KATNAL1: variants seen among roughly 807,000 people sequenced by gnomAD.
KATNAL1 encodes katanin catalytic subunit A1 like 1.
KATNAL1 carries 32 observed loss-of-function variants against 55.2 expected under a neutral mutation model. The observed-to-expected ratio is 0.58, with a 90% confidence interval of 0.44 to 0.78. The LOEUF (loss-of-function observed/expected upper bound fraction) is 0.78, where lower values mean the gene tolerates loss of function less well. Ranked by LOEUF, KATNAL1 falls within the 30% of genes least tolerant of loss-of-function variation. KATNAL1 has a pLI of 0.00. For missense variants in KATNAL1, 466 were observed against 600.9 expected (o/e 0.78, Z 2.35); for synonymous variants, 193 against 193.6 (o/e 1.00, Z 0.02).
chr13:30,241,334 C>A (rs1377501970), intron 4 of KATNAL1, among the ~76,000 whole-genome samples: 1 of 152,150 alleles, frequency 6.6e-6, no homozygotes, highest in African/African-American at 2.4e-5. Context: ...TAAGACTAAA[C>A]TGATCCTTGC....
At chr13:30,255,253 T>C (rs1299873217) in intron 4 of KATNAL1, among the ~76,000 whole-genome samples, 194 bp downstream of exon 4, 1 of 152,202 alleles carries the variant, frequency 6.6e-6, no homozygotes, top group Non-Finnish European at 1.5e-5. Flanking sequence ...TATATAGATA[T>C]TTACTACGCC....
intron 3 of KATNAL1, among the ~76,000 whole-genome samples, chr13:30,262,396 C>CA (rs1320834387): frequency 2.6e-5 from 4 of 151,848 alleles, no homozygotes; most frequent in East Asian, 1.9e-4. Context: ...AATAGAGACA[C>CA]AAAAAACCCT....
chr13:30,210,356 T>C lies in KATNAL1; in HGVS notation c.1234A>G (p.Ile412Val). ...DIQLEDIAEKIEGYSGADITN... is the reference protein window; with the variant it reads ...DIQLEDIAEKVEGYSGADITN... ...ATGTCAGCACCAGAATAGCCCTCAATCTTCTCGGCTATATCTTCCAGTTGA... is the reference window on the plus strand; with the variant it reads ...ATGTCAGCACCAGAATAGCCCTCAACCTTCTCGGCTATATCTTCCAGTTGA... The change falls in exon 10 of 11, where the codon ATT becomes GTT. Residue 412 changes from isoleucine to valine, a missense_variant. Physicochemically the swap from Ile to Val is conservative, Grantham distance 29. Coordinates refer to ENST00000380615, the MANE Select transcript of KATNAL1 (RefSeq NM_032116.5). The C allele has an allele frequency of 6.2e-7, 1 of 1,609,352 alleles. No homozygotes were observed. Among genetic ancestry groups the C allele is most frequent in the Non-Finnish European group, 8.5e-7 (1 of 1,178,274 alleles).
intron 3 of KATNAL1, among the ~76,000 whole-genome samples, chr13:30,274,907 GCACACACACA>G (rs368435407): frequency 1.5e-3 from 160 of 105,414 alleles, no homozygotes; most frequent in South Asian, 0.014. Flanking sequence ...GCGCGCGCGC[GCACACACACA>G]CACACACACA....
At chr13:30,297,472 C>T (rs1196753932) in intron 1 of KATNAL1, among the ~76,000 whole-genome samples, 1 of 152,200 alleles carries the variant, frequency 6.6e-6, no homozygotes, top group Admixed American at 6.5e-5. Context: ...TCTCAAAGAA[C>T]TTAAAACGGA....
chr13:30,215,385 C>G (rs1874115173), intron 9 of KATNAL1, among the ~76,000 whole-genome samples: 1 of 152,146 alleles, frequency 6.6e-6, no homozygotes, highest in Admixed American at 6.5e-5. Context: ...CAGGGATATA[C>G]AACTACAAAT....
intron 1 of KATNAL1, chr13:30,296,311 C>T: frequency 8.5e-7 from 1 of 1,181,836 alleles, no homozygotes; most frequent in Non-Finnish European, 1.2e-6. Flanking sequence ...CCACGGAGAT[C>T]ACTGCAGTCA....
At chr13:30,295,184 T>C (rs1282313611) in intron 1 of KATNAL1, among the ~76,000 whole-genome samples, 3 of 152,230 alleles carry the variant, frequency 2.0e-5, no homozygotes, top group Non-Finnish European at 4.4e-5. Context: ...ATAGGTGCCA[T>C]AGATAGTGAT....
rs1187376020 is a variant in KATNAL1 at position 30,206,471 on chromosome 13, G to A, written c.*2069C>T. On this transcript the variant is annotated 3_prime_UTR_variant, in exon 11 of 11. Coordinates refer to ENST00000380615, the MANE Select transcript of KATNAL1 (RefSeq NM_032116.5). ...CATAGTAAAGTTAGGCTCCCAGGAA[G>A]TTTAAGTTGCCAAATACTGCTTAAC... 1 of 151,954 alleles carries A rather than the reference G, an allele frequency of 6.6e-6. No homozygotes were observed. Among genetic ancestry groups the A allele is most frequent in the African/African-American group, 2.4e-5 (1 of 41,378 alleles). The allele number at this position is 151,954 out of a possible 1,614,324, so 9.4% of individuals were successfully genotyped here.
intron 3 of KATNAL1, 29 bp from the exon 4 acceptor site, chr13:30,255,644 A>C: frequency 1.5e-6 from 2 of 1,365,426 alleles, no homozygotes; most frequent in Non-Finnish European, 1.9e-6. Flanking sequence ...AAAAAATTAA[A>C]ATTAAAATTA....
chr13:30,223,123 C>T (rs1393833096), intron 9 of KATNAL1, among the ~76,000 whole-genome samples: 1 of 151,338 alleles, frequency 6.6e-6, no homozygotes, highest in African/African-American at 2.4e-5. Flanking sequence ...GAGATACAGA[C>T]TGGACAAATA....
rs1011128591 is a variant in KATNAL1 at position 30,202,836 on chromosome 13, C to T, written c.*5704G>A. On this transcript the variant is annotated 3_prime_UTR_variant, in exon 11 of 11. Coordinates refer to ENST00000380615, the MANE Select transcript of KATNAL1 (RefSeq NM_032116.5). ...AAGTCTTAACAACGCACTTACAAGC[C>T]ATCATAACATGCAGTGATCCTGCGA... 2.0e-5 allele frequency: 3 copies of T among 152,154 alleles called. No individual in the cohort carries two copies. The highest frequency in any genetic ancestry group is 1.3e-4 in the Admixed American group (2 of 15,278). The allele number at this position is 152,154 out of a possible 1,614,324, so 9.4% of individuals were successfully genotyped here.
chr13:30,257,148 GTAT>G, intron 3 of KATNAL1, among the ~76,000 whole-genome samples: 1 of 151,832 alleles, frequency 6.6e-6, no homozygotes, highest in African/African-American at 2.4e-5. Flanking sequence ...TCTATTTCTA[GTAT>G]TTCAATGTGA....
At chr13:30,212,465 G>A (rs1318844038) in intron 9 of KATNAL1, among the ~76,000 whole-genome samples, 1 of 152,246 alleles carries the variant, frequency 6.6e-6, no homozygotes, top group African/African-American at 2.4e-5. Context: ...CCCTTGGCCG[G>A]CGTGGGATCA....
At chr13:30,230,766 T>C (rs1876019537) in intron 7 of KATNAL1, among the ~76,000 whole-genome samples, 172 bp from the exon 8 acceptor site, 1 of 152,088 alleles carries the variant, frequency 6.6e-6, no homozygotes, top group African/African-American at 2.4e-5. Flanking sequence ...AAAAAAGAAA[T>C]TTCTAAAAAT....
intron 1 of KATNAL1, among the ~76,000 whole-genome samples, chr13:30,294,185 C>G (rs1452251353): frequency 6.6e-6 from 1 of 152,156 alleles, no homozygotes; most frequent in African/African-American, 2.4e-5. Context: ...CACTTGAAAT[C>G]AAGGGCCAGA....
intron 1 of KATNAL1, chr13:30,296,148 T>C: frequency 4.0e-6 from 2 of 504,350 alleles, no homozygotes. Flanking sequence ...TGTTCAGTCA[T>C]GGCCTCAGGT....
chr13:30,240,470 C>CTA lies in KATNAL1; in HGVS notation c.715_716insTA (p.Arg239IlefsTer8). On this transcript the variant is annotated frameshift_variant, in exon 6 of 11. Coordinates refer to ENST00000380615, the MANE Select transcript of KATNAL1 (RefSeq NM_032116.5). LOFTEE classifies it high-confidence loss of function. ...TTAATAAATTCTCACCTTCCATGGC[C>CTA]TTCTAATCCCTTTGAAAAAGTCAGG... is the stretch of plus-strand genomic sequence containing the variant. 1 of 1,609,980 alleles carries CTA rather than the reference C, an allele frequency of 6.2e-7. No homozygotes were observed. Among genetic ancestry groups the CTA allele is most frequent in the African/African-American group, 1.3e-5 (1 of 74,956 alleles).
chr13:30,211,448 T>G (rs1436578045), intron 9 of KATNAL1, among the ~76,000 whole-genome samples: 2 of 152,240 alleles, frequency 1.3e-5, no homozygotes, highest in African/African-American at 4.8e-5. Flanking sequence ...GATTTAATAC[T>G]GGAATATTAG....
Sources: gnomAD v4.1 joint callset for allele counts (sites outside exome capture counted in the v4.1 genomes callset) on GRCh38, gnomAD v4.1.1 for gene constraint, MANE v1.5 for transcripts, NCBI Gene and HGNC (gene_info 2026-07-23, HGNC 2026-07-21) for gene names.